Variants in GALNT13 observed in about 807,000 individuals in gnomAD.
The protein encoded by GALNT13 is polypeptide N-acetylgalactosaminyltransferase 13.
In GALNT13, 28 loss-of-function variants were observed where a neutral mutation model predicts 64.2. That is an observed-to-expected ratio of 0.44 (90% CI 0.32 to 0.60). GALNT13 has a LOEUF of 0.60. Among genes scored for constraint, GALNT13 ranks in the 20% least tolerant of loss-of-function variants. The pLI is 0.05. For synonymous variants in GALNT13, 214 were observed against 224.6 expected (o/e 0.95, Z 0.42); for missense variants, 577 against 669.8 (o/e 0.86, Z 1.53).
the GALNT13 span, among the ~76,000 whole-genome samples, chr2:153,381,419 A>C: frequency 6.6e-6 from 1 of 152,140 alleles, no homozygotes; most frequent in South Asian, 2.1e-4. Context: ...GAACATCATG[A>C]ATATTTACCC....
At chr2:154,342,597 T>TA (rs960628161) in intron 9 of GALNT13, among the ~76,000 whole-genome samples, 20 of 151,914 alleles carry the variant, frequency 1.3e-4, no homozygotes, top group African/African-American at 2.4e-4. Context: ...TCAGTGTTCA[T>TA]AAAAAAAACT....
intron 7 of GALNT13, among the ~76,000 whole-genome samples, chr2:154,251,912 C>T (rs753184443): frequency 6.6e-6 from 1 of 151,982 alleles, no homozygotes; most frequent in African/African-American, 2.4e-5. Context: ...CCTAATAAAG[C>T]CATTAGATTT....
chr2:153,301,824 T>C, the GALNT13 span, among the ~76,000 whole-genome samples: 1 of 152,120 alleles, frequency 6.6e-6, no homozygotes, highest in African/African-American at 2.4e-5. Flanking sequence ...TTTATCCATG[T>C]TGTCATAAAT....
At chr2:153,162,894 C>G in the GALNT13 span, among the ~76,000 whole-genome samples, 1 of 152,256 alleles carries the variant, frequency 6.6e-6, no homozygotes, top group East Asian at 1.9e-4. Context: ...GTGACATCAA[C>G]CCACAGAAAC....
chr2:153,167,861 G>A, the GALNT13 span, among the ~76,000 whole-genome samples: 2 of 152,166 alleles, frequency 1.3e-5, no homozygotes, highest in African/African-American at 4.8e-5. Context: ...TCCAGGAAAG[G>A]AACAAAGAGG....
chr2:154,291,198 G>A (rs141686685), intron 8 of GALNT13, among the ~76,000 whole-genome samples: 79 of 152,182 alleles, frequency 5.2e-4, no homozygotes, highest in East Asian at 3.7e-3. Context: ...TGATTTGTCC[G>A]TTTCACAGAG....
the GALNT13 span, among the ~76,000 whole-genome samples, chr2:153,841,346 T>C: frequency 6.6e-6 from 1 of 152,184 alleles, no homozygotes; most frequent in African/African-American, 2.4e-5. Context: ...TCCAGCATAA[T>C]TTGAATTTAT....
the GALNT13 span, among the ~76,000 whole-genome samples, chr2:153,659,873 C>T: frequency 2.0e-5 from 3 of 152,080 alleles, no homozygotes; most frequent in South Asian, 6.2e-4. Flanking sequence ...AATAACTAAG[C>T]CAACAACCAG....
chr2:154,347,071 A>G (rs943182287), intron 9 of GALNT13, among the ~76,000 whole-genome samples: 1 of 152,154 alleles, frequency 6.6e-6, no homozygotes, highest in African/African-American at 2.4e-5. Context: ...GTTAGGGAAA[A>G]TACAATGCTA....
chr2:153,478,103 C>T, the GALNT13 span: 9 of 643,368 alleles, frequency 1.4e-5, no homozygotes, highest in South Asian at 1.7e-4. Context: ...TCGCTTCTTT[C>T]CGAAAGGCCG....
chr2:154,384,380 C>T lies in GALNT13; in HGVS notation c.1157-11611C>T, dbSNP rs528115563. 2.4e-4 allele frequency among the ~76,000 whole-genome samples: 36 copies of T among 151,772 alleles called. 1 individual carries two copies. The highest frequency in any genetic ancestry group is 8.7e-4 in the African/African-American group (36 of 41,466). ...AAGACACCTATTTAACTTTGTTTTA[C>T]CCATTCTTTCCATTAAAATATAAGC... On this transcript the variant is annotated intron_variant, in intron 9 of 12. Transcript: ENST00000392825.
At chr2:154,190,397 T>C (rs1686509618) in intron 4 of GALNT13, among the ~76,000 whole-genome samples, 2 of 152,210 alleles carry the variant, frequency 1.3e-5, no homozygotes, top group Non-Finnish European at 2.9e-5. Context: ...CACAGCACTA[T>C]GTGATTAACA....
At chr2:153,870,357 CTTAT>C (rs1265612577), upstream of GALNT13, among the ~76,000 whole-genome samples, 3 of 151,836 alleles carry the variant, frequency 2.0e-5, no homozygotes, top group Admixed American at 6.6e-5. Context: ...AGAATGGGGG[CTTAT>C]TTGTCTTTGA....
chr2:153,164,016 T>C, the GALNT13 span, among the ~76,000 whole-genome samples: 75 of 97,846 alleles, frequency 7.7e-4, no homozygotes, highest in African/African-American at 3.2e-3. Context: ...AGGCTCCGTC[T>C]CAAAAAAAAA....
chr2:153,352,986 A>C, the GALNT13 span, among the ~76,000 whole-genome samples: 1 of 152,216 alleles, frequency 6.6e-6, no homozygotes, highest in South Asian at 2.1e-4. Flanking sequence ...TGATATCCAC[A>C]AAATAACTTG....
intron 9 of GALNT13, among the ~76,000 whole-genome samples, chr2:154,318,124 T>A (rs1036051379): frequency 5.3e-5 from 8 of 152,100 alleles, no homozygotes; most frequent in South Asian, 2.1e-4. Flanking sequence ...AGTTTTGAAA[T>A]TTTTTTGGAA....
At chr2:154,356,489 G>C (rs953399912) in intron 9 of GALNT13, among the ~76,000 whole-genome samples, 1 of 151,310 alleles carries the variant, frequency 6.6e-6, no homozygotes, top group African/African-American at 2.4e-5. Flanking sequence ...AATTGTATAG[G>C]GTGGATGTCA....
At chr2:153,697,149 C>T in the GALNT13 span, among the ~76,000 whole-genome samples, 1 of 152,138 alleles carries the variant, frequency 6.6e-6, no homozygotes, top group Non-Finnish European at 1.5e-5. Context: ...CAATTTCTTT[C>T]TTATTAATAC....
At chr2:154,404,142 C>T (rs1699423146) in intron 10 of GALNT13, among the ~76,000 whole-genome samples, 1 of 152,096 alleles carries the variant, frequency 6.6e-6, no homozygotes, top group African/African-American at 2.4e-5. Flanking sequence ...TATTTTGTAT[C>T]CACTTAGCAC....
Sources: allele counts gnomAD v4.1 joint callset (sites outside exome capture counted in the v4.1 genomes callset), GRCh38; gene constraint gnomAD v4.1.1; transcripts MANE v1.5; gene names NCBI Gene and HGNC (gene_info 2026-07-23, HGNC 2026-07-21).